Variants in SLC25A16 observed in about 807,000 individuals in gnomAD.
The protein encoded by SLC25A16 is solute carrier family 25 member 16.
Under a neutral mutation model 41.5 loss-of-function variants are expected in SLC25A16, and 39 were observed. The observed-to-expected ratio is 0.94, with a 90% CI of 0.73 to 1.23. SLC25A16 has a LOEUF of 1.23. Among genes scored for constraint, SLC25A16 ranks in the 50% most tolerant of loss-of-function variants. SLC25A16 has a pLI of 0.00. For missense variants in SLC25A16, 421 were observed against 426.9 expected (o/e 0.99, Z 0.12); for synonymous variants, 146 against 147.8 (o/e 0.99, Z 0.09).
chr10:68,495,506 G>A (rs1299569773), intron 4 of SLC25A16, among the ~76,000 whole-genome samples: 6 of 151,852 alleles, frequency 4.0e-5, no homozygotes, highest in Non-Finnish European at 8.8e-5. Flanking sequence ...CTCTAGGGCC[G>A]GAAACAGTGG....
At position 68,527,300 on chromosome 10, in the gene SLC25A16, C is replaced by T; in HGVS notation, c.76G>A (p.Gly26Arg). Residue 26 changes from glycine to arginine, a missense_variant, in exon 1 of 9, where the codon GGA becomes AGA. Gly to Arg is a moderately radical substitution (Grantham distance 125). Coordinates refer to ENST00000609923, the MANE Select transcript of SLC25A16 (RefSeq NM_152707.4). The stretch of plus-strand genomic sequence containing the variant: ...AAGTCTCTGCGGGTTGTGGGCCCTC[C>T]GGCCCCTGCCGCCTGCGGCATTGCG... ...PPAMPQAAGA[G>R]GPTTRRDFYW... is the part of the protein sequence containing the mutation. The T allele has an allele frequency of 6.5e-7, 1 of 1,545,264 alleles. No homozygotes were observed. The highest frequency in any genetic ancestry group is 8.7e-7 in the Non-Finnish European group (1 of 1,144,920).
chr10:68,515,826 A>G (rs557242694), intron 2 of SLC25A16, among the ~76,000 whole-genome samples: 1 of 152,096 alleles, frequency 6.6e-6, no homozygotes, highest in African/African-American at 2.4e-5. Flanking sequence ...ATAAATAAAT[A>G]GTAAAAAATC....
At position 68,493,218 on chromosome 10, in the gene SLC25A16, T is replaced by A. The variant is rs2052691269; in HGVS notation, c.544-20A>T. The A allele has an allele frequency of 1.3e-6, 2 of 1,516,048 alleles. No individual in the cohort carries two copies. The highest frequency in any genetic ancestry group is 1.8e-6 in the Non-Finnish European group (2 of 1,107,670). 93.9% of individuals were successfully genotyped at this position (1,516,048 alleles called of 1,614,324 possible). A position where few individuals can be genotyped will look rare whatever the true frequency, so the allele number is the denominator to read the frequency against. ...ACCTTCCTTTTGAGTGAAGGAAAATTGCAAGTGAGATTACATTGTGCTCAT... is the reference window on the plus strand; with the variant it reads ...ACCTTCCTTTTGAGTGAAGGAAAATAGCAAGTGAGATTACATTGTGCTCAT... On this transcript the variant is annotated intron_variant, in intron 5 of 8. Coordinates refer to ENST00000609923, the MANE Select transcript of SLC25A16 (RefSeq NM_152707.4).
At chr10:68,486,974 A>T (rs1048395709) in intron 8 of SLC25A16, 170 bp downstream of exon 8, 20 of 403,770 alleles carry the variant, frequency 5.0e-5, no homozygotes, top group African/African-American at 4.3e-4. Context: ...AAAAAAAAAA[A>T]AAAAAAAAGA....
At chr10:68,514,268 G>A (rs866107842) in intron 2 of SLC25A16, among the ~76,000 whole-genome samples, 4 of 152,174 alleles carry the variant, frequency 2.6e-5, no homozygotes, top group Admixed American at 1.3e-4. Context: ...AGGCCGAGAC[G>A]GGCAGATCAC....
Position 68,516,834 on chromosome 10 carries a change from C to T in SLC25A16, c.140G>A (p.Gly47Glu). 6.2e-7 allele frequency: 1 copy of T among 1,611,332 alleles called. No individual in the cohort carries two copies. The highest frequency in any genetic ancestry group is 8.5e-7 in the Non-Finnish European group (1 of 1,178,718). ...AGCAACTGTTGTTTTGGCACAGCAT[C>T]CAGCAATACCTAAAAATTTTTCAAA... ...LRSFLAGGIAGCCAKTTVAPL... is the reference protein window; with the variant it reads ...LRSFLAGGIAECCAKTTVAPL... Residue 47 changes from glycine to glutamate, a missense_variant, in exon 2 of 9, where the codon GGA becomes GAA. Gly to Glu is a moderately conservative substitution (Grantham distance 98). Transcript: ENST00000609923.
chr10:68,499,096 A>T, intron 4 of SLC25A16, among the ~76,000 whole-genome samples: 1 of 152,136 alleles, frequency 6.6e-6, no homozygotes, highest in Non-Finnish European at 1.5e-5. Context: ...GAGATAGAGG[A>T]GAAAGAATGG....
In SLC25A16 at chr10:68,486,602, GA is replaced by G. The variant is rs374304111; in HGVS notation, c.842+541del. Among the ~76,000 whole-genome samples, 31 of 151,738 alleles carry G rather than the reference GA, an allele frequency of 2.0e-4. 1 individual carries two copies. In the East Asian group the frequency reaches 3.5e-3, roughly 17 times the overall value. On this transcript the variant is annotated intron_variant, in intron 8 of 8. Transcript: ENST00000609923. ...TTGGCCAGGCTGGTCTCAAACTCCT[GA>G]CCTCAGGTGATACGCCCTCCTCGGA... is the stretch of plus-strand genomic sequence containing the variant.
At chr10:68,512,595 C>T (rs1272824358) in intron 2 of SLC25A16, among the ~76,000 whole-genome samples, 1 of 84,182 alleles carries the variant, frequency 1.2e-5, no homozygotes. Flanking sequence ...GCCGAGATCC[C>T]GCCACTGCAC....
At chr10:68,486,238 A>AC in intron 8 of SLC25A16, among the ~76,000 whole-genome samples, 2 of 148,934 alleles carry the variant, frequency 1.3e-5, no homozygotes, top group African/African-American at 5.0e-5. Flanking sequence ...AAACAAAAAA[A>AC]AAAAAAAAAC....
intron 4 of SLC25A16, chr10:68,496,591 T>A: frequency 1.0e-6 from 1 of 984,236 alleles, no homozygotes; most frequent in Non-Finnish European, 1.2e-6. Flanking sequence ...TCTCTTTCCC[T>A]CTCTTAAGTC....
chr10:68,511,159 T>G (rs2133570809), intron 2 of SLC25A16, among the ~76,000 whole-genome samples: 1 of 152,174 alleles, frequency 6.6e-6, no homozygotes, highest in African/African-American at 2.4e-5. Flanking sequence ...AATCTGGCCT[T>G]GAACCTGGGA....
intron 8 of SLC25A16, among the ~76,000 whole-genome samples, chr10:68,485,689 G>GT (rs902604651): frequency 1.3e-5 from 2 of 150,910 alleles, no homozygotes; most frequent in South Asian, 2.1e-4. Flanking sequence ...GGCCTTTTTT[G>GT]TTTTTTTCAG....
At chr10:68,520,959 C>T (rs1474924716) in intron 1 of SLC25A16, among the ~76,000 whole-genome samples, 1 of 151,618 alleles carries the variant, frequency 6.6e-6, no homozygotes, top group Non-Finnish European at 1.5e-5. Flanking sequence ...CATGGTGAAA[C>T]CCCGTCTCCA....
At chr10:68,506,842 T>C in intron 2 of SLC25A16, 124 bp from the exon 3 acceptor site, 1 of 539,136 alleles carries the variant, frequency 1.9e-6, no homozygotes, top group Non-Finnish European at 3.1e-6. Context: ...AGGGATTACA[T>C]GAATAGTAAT....
chr10:68,526,066 C>T (rs1184390192), intron 1 of SLC25A16, among the ~76,000 whole-genome samples: 1 of 151,878 alleles, frequency 6.6e-6, no homozygotes, highest in Non-Finnish European at 1.5e-5. Context: ...AAGACCTGAA[C>T]GTCCCCCAGC....
intron 1 of SLC25A16, 84 bp downstream of exon 1, chr10:68,527,162 C>T (rs2053350076): frequency 7.0e-7 from 1 of 1,428,546 alleles, no homozygotes. Context: ...CCAGGAATGT[C>T]ATAGAGGCCG....
In SLC25A16 at chr10:68,506,952, C is replaced by A. The variant is rs374277798; in HGVS notation, c.224-234G>T. On this transcript the variant is annotated intron_variant, in intron 2 of 8. Transcript: ENST00000609923. ...ATAAAACCTACTGTAGAAACAACTA[C>A]AAATTACAGCAAATTCTATTTATAA... 7.3e-5 allele frequency among the ~76,000 whole-genome samples: 11 copies of A among 150,954 alleles called. No individual in the cohort carries two copies. In the East Asian group the frequency reaches 1.6e-3, roughly 21 times the overall value.
At chr10:68,513,894 AG>A (rs34685098) in intron 2 of SLC25A16, among the ~76,000 whole-genome samples, 37,072 of 152,022 alleles carry the variant, frequency 0.24, 5,169 homozygotes, top group African/African-American at 0.36. Flanking sequence ...AGAAAAAAAA[AG>A]CTAACGCAAA....
Sources: allele counts gnomAD v4.1 joint callset (sites outside exome capture counted in the v4.1 genomes callset), GRCh38; gene constraint gnomAD v4.1.1; transcripts MANE v1.5; gene names NCBI Gene and HGNC (gene_info 2026-07-23, HGNC 2026-07-21).